Variants in HAUS6 observed in about 807,000 individuals in gnomAD.
HAUS6 encodes HAUS augmin like complex subunit 6.
Under a neutral mutation model 106.8 loss-of-function variants are expected in HAUS6, and 80 were observed. The observed-to-expected ratio is 0.75, with a 90% CI of 0.63 to 0.90. HAUS6 has a LOEUF of 0.90. Ranked by LOEUF, HAUS6 falls within the 40% of genes least tolerant of loss-of-function variation. The probability of loss-of-function intolerance (pLI) is 0.00; values close to 1 mark genes in which losing one functional copy is unlikely to be tolerated. For missense variants in HAUS6, 1,155 were observed against 1,118.1 expected, an observed-to-expected ratio of 1.03 and a Z score of -0.47; for synonymous variants, 356 against 379.1, an observed-to-expected ratio of 0.94 and a Z score of 0.71.
At chr9:19,066,376 A>G (rs1333343016) in intron 12 of HAUS6, among the ~76,000 whole-genome samples, 2 of 152,226 alleles carry the variant, frequency 1.3e-5, no homozygotes, top group African/African-American at 4.8e-5. Context: ...ACCAATAATT[A>G]GGAGAAAAAT....
At chr9:19,065,258 CT>C (rs1416610514) in intron 12 of HAUS6, among the ~76,000 whole-genome samples, 2 of 152,212 alleles carry the variant, frequency 1.3e-5, no homozygotes, top group Non-Finnish European at 1.5e-5. Context: ...CTGGCTCAGT[CT>C]TTATACTTCG....
intron 16 of HAUS6, 22 bp from the exon 17 acceptor site, chr9:19,056,426 G>A (rs372584901): frequency 4.5e-6 from 6 of 1,341,356 alleles, no homozygotes; most frequent in Middle Eastern, 3.6e-4. Context: ...TTTTAAAAAA[G>A]TATAAGCAAA....
At chr9:19,089,283 T>C (rs1817695299) in intron 5 of HAUS6, 129 bp downstream of exon 5, 3 of 624,630 alleles carry the variant, frequency 4.8e-6, no homozygotes, top group South Asian at 4.1e-5. Flanking sequence ...GAAGAAGTTA[T>C]CTGACTTTAA....
intron 4 of HAUS6, among the ~76,000 whole-genome samples, chr9:19,092,650 G>A (rs182940782): frequency 1.5e-5 from 2 of 134,150 alleles, no homozygotes; most frequent in South Asian, 2.5e-4. Flanking sequence ...AAAGCCAGGC[G>A]CATTGGCTCA....
chr9:19,057,738 C>T (rs1668881374), intron 16 of HAUS6: 1 of 423,532 alleles, frequency 2.4e-6, no homozygotes. Context: ...ATTGGGGGGG[C>T]TTTTTTTTCC....
chr9:19,080,583 A>G lies in HAUS6; in HGVS notation c.960T>C (p.Tyr320=), dbSNP rs1471815464. ...TTGCTTGATCAGCCTGACAACGTTC[A>G]TATTTCATCACCTTCAAGACTTCAT... ...LLNEVLKVMK[Y]ERCQADQARL... Residue 320 remains tyrosine (Y), a synonymous_variant, in exon 9 of 17, where the codon TAT becomes TAC. Transcript: ENST00000380502. 1 of 1,597,304 alleles carries G rather than the reference A, an allele frequency of 6.3e-7. No individual in the cohort carries two copies. The highest frequency in any genetic ancestry group is 1.7e-5 in the Admixed American group (1 of 59,996).
chr9:19,094,417 G>A (rs375348136), intron 2 of HAUS6, 22 bp from the exon 3 acceptor site: 61 of 1,424,842 alleles, frequency 4.3e-5, no homozygotes, highest in Middle Eastern at 3.7e-4. Context: ...AAATAAAAGC[G>A]TAAGGACTAT....
At chr9:19,070,193 A>G (rs76835981) in intron 12 of HAUS6, 26 bp downstream of exon 12, 56,026 of 1,305,894 alleles carry the variant, frequency 0.043, 1,361 homozygotes, top group Non-Finnish European at 0.05. Flanking sequence ...TTAATGTTTA[A>G]CAAAAGAAAA....
In HAUS6 at chr9:19,058,051, A is replaced by G. The variant is rs373281093; in HGVS notation, c.2716T>C (p.Ser906Pro). ...GAAAACTTAATTAGTGGTGAAAGAG[A>G]CCGTTTTCTTTCACCGATGGACGTG... ...LRTSIGERKRSLSPLIKFSPV... is the reference protein window; with the variant it reads ...LRTSIGERKRPLSPLIKFSPV... The change falls in exon 16 of 17, where the codon TCT becomes CCT. Residue 906 changes from serine to proline, a missense_variant. Ser to Pro is a moderately conservative substitution (Grantham distance 74). Around this residue, in one of 3 missense-constraint regions of HAUS6, gnomAD observed 380 missense variants for 394.8 expected, o/e 0.96. Coordinates refer to ENST00000380502, the MANE Select transcript of HAUS6 (RefSeq NM_017645.5). 4.5e-5 allele frequency: 72 copies of G among 1,613,114 alleles called. No homozygotes were observed. The African/African-American group carries it at 8.8e-4, about 20-fold the overall frequency.
In HAUS6 at chr9:19,089,419, T is replaced by C. The variant is rs560897279; in HGVS notation, c.577A>G (p.Asn193Asp). Residue 193 changes from asparagine to aspartate, a missense_variant, in exon 5 of 17, where the codon AAT becomes GAT. Asn to Asp is a conservative substitution (Grantham distance 23). Around this residue, in one of 3 missense-constraint regions of HAUS6, gnomAD observed 761 missense variants for 690.0 expected, o/e 1.10. Coordinates refer to ENST00000380502, the MANE Select transcript of HAUS6 (RefSeq NM_017645.5). Reference protein sequence around the residue: ...QDCVTQKYQENAQLSVKQVRN... With the variant: ...QDCVTQKYQEDAQLSVKQVRN... ...TATCAAGGTACTACTTACTGTGCATTTTCCTGATATTTTTGGGTAACACAA... is the reference window on the plus strand; with the variant it reads ...TATCAAGGTACTACTTACTGTGCATCTTCCTGATATTTTTGGGTAACACAA... The C allele has an allele frequency of 1.9e-6, 3 of 1,604,470 alleles. No homozygotes were observed. Among genetic ancestry groups the C allele is most frequent in the African/African-American group, 2.7e-5 (2 of 74,898 alleles).
At chr9:19,076,520 G>C in intron 11 of HAUS6, 82 bp downstream of exon 11, 1 of 731,770 alleles carries the variant, frequency 1.4e-6, no homozygotes. Context: ...AAAAAGATAA[G>C]GAATTTAAAG....
chr9:19,075,185 G>C (rs916234942), intron 11 of HAUS6, among the ~76,000 whole-genome samples: 1 of 152,108 alleles, frequency 6.6e-6, no homozygotes, highest in African/African-American at 2.4e-5. Context: ...TCCAGAACAG[G>C]GAAATCTGGA....
At chr9:19,056,573 G>A (rs989158637) in intron 16 of HAUS6, 169 bp from the exon 17 acceptor site, 4 of 545,688 alleles carry the variant, frequency 7.3e-6, no homozygotes, top group Admixed American at 3.2e-5. Flanking sequence ...TTTCTCCAGA[G>A]ATCAATACAT....
Position 19,096,664 on chromosome 9 carries a change from T to C in HAUS6, c.224+10A>G, listed in dbSNP as rs544917214. 3.3e-6 allele frequency: 4 copies of C among 1,228,178 alleles called. No homozygotes were observed. The highest frequency in any genetic ancestry group is 4.6e-6 in the Non-Finnish European group (4 of 862,464). 76.1% of individuals were successfully genotyped at this position (1,228,178 alleles called of 1,614,324 possible). A position where few individuals can be genotyped will look rare whatever the true frequency, so the allele number is the denominator to read the frequency against. On this transcript the variant is annotated intron_variant, in intron 2 of 16. Transcript: ENST00000380502. ...AAGAAATTTAAGAAAATGAAATTAT[T>C]TTTCCTTACTTGAAAACTTCTTTGG...
intron 12 of HAUS6, among the ~76,000 whole-genome samples, chr9:19,067,904 G>A (rs995125669): frequency 1.3e-5 from 2 of 151,900 alleles, no homozygotes; most frequent in African/African-American, 4.8e-5. Flanking sequence ...ATGTTGGTCA[G>A]GCTAGTCTCG....
intron 16 of HAUS6, 47 bp downstream of exon 16, chr9:19,057,914 G>A: frequency 8.8e-7 from 1 of 1,139,076 alleles, no homozygotes; most frequent in Non-Finnish European, 1.3e-6. Flanking sequence ...CAAAAGTTGA[G>A]AGAAAACTTC....
chr9:19,077,658 C>G (rs1429203197), intron 10 of HAUS6, among the ~76,000 whole-genome samples: 1 of 151,964 alleles, frequency 6.6e-6, no homozygotes, highest in Non-Finnish European at 1.5e-5. Context: ...TTACAGAAAC[C>G]ATAACATAGA....
In HAUS6 at chr9:19,056,419, T is replaced by TA. The variant is rs989663907; in HGVS notation, c.2807-16dup. The TA allele has an allele frequency of 1.4e-6, 2 of 1,382,824 alleles. No individual in the cohort carries two copies. Among genetic ancestry groups the TA allele is most frequent in the East Asian group, 2.3e-5 (1 of 43,812 alleles). The allele number at this position is 1,382,824 out of a possible 1,614,324, so 85.7% of individuals were successfully genotyped here. A position where few individuals can be genotyped will look rare whatever the true frequency, so the allele number is the denominator to read the frequency against. On this transcript the variant is annotated splice_polypyrimidine_tract_variant and intron_variant, in intron 16 of 16. Coordinates refer to ENST00000380502, the MANE Select transcript of HAUS6 (RefSeq NM_017645.5). ...AATGTCTTCTTCTGCAAATTGATTT[T>TA]AAAAAAGTATAAGCAAACATTACAA...
intron 16 of HAUS6, 100 bp downstream of exon 16, chr9:19,057,861 T>A: frequency 1.5e-6 from 1 of 665,802 alleles, no homozygotes; most frequent in South Asian, 2.0e-5. Context: ...GGGAGCACAT[T>A]AACAATAAAG....
Sources: allele counts gnomAD v4.1 joint callset (sites outside exome capture counted in the v4.1 genomes callset), GRCh38; gene constraint gnomAD v4.1.1; regional missense constraint gnomAD v4.1.1; transcripts MANE v1.5; gene names NCBI Gene and HGNC (gene_info 2026-07-23, HGNC 2026-07-21).